The following VTI1A variants were observed in gnomAD, a reference collection of about 807,000 sequenced individuals.
VTI1A encodes vesicle transport through interaction with t-SNAREs homolog 1A.
A neutral mutation model predicts 34.9 loss-of-function variants in VTI1A; 22 were observed. The ratio of observed to expected loss-of-function variants is 0.63; its 90% confidence interval spans 0.45 to 0.90. VTI1A has a LOEUF of 0.90. VTI1A is among the 40% of genes least tolerant of loss of function. The pLI, the probability that VTI1A is intolerant of heterozygous loss-of-function variation, is 0.00. For synonymous variants in VTI1A, 87 were observed against 97.3 expected (o/e 0.89, Z 0.62); for missense variants, 268 against 275.6 (o/e 0.97, Z 0.20).
In VTI1A at chr10:112,481,204, C is replaced by G. The variant is rs138682531; in HGVS notation, c.264+16547C>G. 2.6e-5 allele frequency among the ~76,000 whole-genome samples: 4 copies of G among 152,172 alleles called. No individual in the cohort carries two copies. In the East Asian group the frequency reaches 7.7e-4, roughly 29 times the overall value. On this transcript the variant is annotated intron_variant, in intron 3 of 7. Coordinates refer to ENST00000393077, the MANE Select transcript of VTI1A (RefSeq NM_145206.4). ...TTTTAAATAAAAAATTTAAAGTTGG[C>G]AAAATCCAGTATTTTACATTTATTC...
chr10:112,565,729 A>G (rs570126190), intron 5 of VTI1A, among the ~76,000 whole-genome samples: 13 of 152,350 alleles, frequency 8.5e-5, no homozygotes, highest in African/African-American at 3.1e-4. Context: ...AGGACATGGA[A>G]ATCAAGAGGA....
chr10:112,763,479 T>C (rs1351872399), intron 7 of VTI1A, among the ~76,000 whole-genome samples: 1 of 150,976 alleles, frequency 6.6e-6, no homozygotes, highest in Non-Finnish European at 1.5e-5. Context: ...TTGTTACAAG[T>C]CTGATGTCCA....
intron 5 of VTI1A, among the ~76,000 whole-genome samples, chr10:112,549,920 T>C (rs1851285116): frequency 6.6e-6 from 1 of 152,114 alleles, no homozygotes; most frequent in Non-Finnish European, 1.5e-5. Flanking sequence ...TCTTAAAGAG[T>C]ATTTTCAAGT....
At chr10:112,661,951 T>C (rs945674900) in intron 5 of VTI1A, among the ~76,000 whole-genome samples, 1 of 152,066 alleles carries the variant, frequency 6.6e-6, no homozygotes, top group African/African-American at 2.4e-5. Flanking sequence ...TTTGCATTTT[T>C]AGTAGATACA....
At chr10:112,707,161 G>T (rs1418814183) in intron 7 of VTI1A, among the ~76,000 whole-genome samples, 2 of 152,004 alleles carry the variant, frequency 1.3e-5, no homozygotes, top group African/African-American at 4.8e-5. Flanking sequence ...GCGGGGAGGG[G>T]TTGTATTTGT....
Position 112,576,072 on chromosome 10 carries a change from C to G in VTI1A, c.427+37742C>G, listed in dbSNP as rs184307078. On this transcript the variant is annotated intron_variant, in intron 5 of 7. Transcript: ENST00000393077. ...GTCTCGCTCTTTCGCCCAGGCCGGA[C>G]TGCAGTGGCGCTATCTCGGCTCACT... Among the ~76,000 whole-genome samples the G allele has an allele frequency of 9.3e-3, 1,327 of 143,058 alleles. 11 individuals are homozygous for G. Among genetic ancestry groups the G allele is most frequent in the Middle Eastern group, 0.018 (4 of 228 alleles). 93.9% of individuals were successfully genotyped at this position (143,058 alleles called of 152,430 possible). A position where few individuals can be genotyped will look rare whatever the true frequency, so the allele number is the denominator to read the frequency against.
intron 7 of VTI1A, among the ~76,000 whole-genome samples, chr10:112,761,645 T>G (rs1477067686): frequency 6.6e-6 from 1 of 152,192 alleles, no homozygotes; most frequent in African/African-American, 2.4e-5. Context: ...GTTTTAATCC[T>G]ATAAGCTAGA....
chr10:112,794,780 G>C (rs911476137), intron 7 of VTI1A, among the ~76,000 whole-genome samples: 2 of 152,026 alleles, frequency 1.3e-5, no homozygotes, highest in African/African-American at 2.4e-5. Flanking sequence ...TGATGACTAG[G>C]ATAGGGTCAG....
intron 7 of VTI1A, among the ~76,000 whole-genome samples, chr10:112,795,092 A>C (rs1302710377): frequency 6.6e-6 from 1 of 152,230 alleles, no homozygotes; most frequent in African/African-American, 2.4e-5. Context: ...AAAGTGACTC[A>C]CCTGGCATCA....
chr10:112,508,719 T>C (rs971459732), intron 3 of VTI1A, among the ~76,000 whole-genome samples: 23 of 152,210 alleles, frequency 1.5e-4, no homozygotes, highest in Admixed American at 1.3e-3. Flanking sequence ...TACTAAATCA[T>C]GTGCTGATAA....
chr10:112,518,585 CTCTCTATATATA>C (rs1225823722), intron 3 of VTI1A, among the ~76,000 whole-genome samples: 56 of 88,842 alleles, frequency 6.3e-4, no homozygotes, highest in Non-Finnish European at 1.2e-3. Flanking sequence ...CTCTCTCTCT[CTCTCTATATATA>C]TATATATATA....
At chr10:112,759,298 A>G (rs929889037) in intron 7 of VTI1A, among the ~76,000 whole-genome samples, 4 of 152,174 alleles carry the variant, frequency 2.6e-5, no homozygotes, top group African/African-American at 9.7e-5. Flanking sequence ...ATGGACCCCA[A>G]AGGTCTTCAG....
chr10:112,610,773 G>A (rs1173214801), intron 5 of VTI1A, among the ~76,000 whole-genome samples: 1 of 152,208 alleles, frequency 6.6e-6, no homozygotes, highest in Non-Finnish European at 1.5e-5. Flanking sequence ...AAAAAAACTA[G>A]CCAGGCGCGG....
intron 7 of VTI1A, among the ~76,000 whole-genome samples, chr10:112,809,490 G>A (rs1251853806): frequency 6.6e-6 from 1 of 152,140 alleles, no homozygotes; most frequent in Non-Finnish European, 1.5e-5. Context: ...AGGGCCAGTC[G>A]GCCAGGCAGG....
the VTI1A span, chr10:112,827,665 A>G: frequency 6.6e-6 from 1 of 152,078 alleles, no homozygotes; most frequent in African/African-American, 2.4e-5. Context: ...ATACATTTTG[A>G]TTGTTGTTTC....
intron 5 of VTI1A, among the ~76,000 whole-genome samples, chr10:112,559,960 C>T (rs567242307): frequency 6.6e-6 from 1 of 152,192 alleles, no homozygotes; most frequent in Middle Eastern, 3.4e-3. Flanking sequence ...TGGGGATGTA[C>T]CCATGGTTAC....
At chr10:112,794,637 A>G (rs544402146) in intron 7 of VTI1A, among the ~76,000 whole-genome samples, 4 of 152,294 alleles carry the variant, frequency 2.6e-5, no homozygotes, top group East Asian at 1.9e-4. Flanking sequence ...TTACATTTCA[A>G]TGTATATCTT....
At chr10:112,526,499 G>A (rs373982113) in intron 3 of VTI1A, among the ~76,000 whole-genome samples, 3 of 151,986 alleles carry the variant, frequency 2.0e-5, no homozygotes, top group East Asian at 3.9e-4. Context: ...ATAGAGAGCT[G>A]GGAGACATTT....
chr10:112,799,973 A>G (rs1852820449), intron 7 of VTI1A, among the ~76,000 whole-genome samples: 2 of 152,028 alleles, frequency 1.3e-5, no homozygotes. Flanking sequence ...AGAGAGAGAG[A>G]GTTCTGATGT....
Sources: allele counts gnomAD v4.1 joint callset (sites outside exome capture counted in the v4.1 genomes callset), GRCh38; gene constraint gnomAD v4.1.1; transcripts MANE v1.5; gene names NCBI Gene and HGNC (gene_info 2026-07-23, HGNC 2026-07-21).